Variants in MARCHF6 observed in about 807,000 individuals in gnomAD.
The protein encoded by MARCHF6 is E3 ubiquitin-protein ligase MARCHF6.
Under a neutral mutation model 133.7 loss-of-function variants are expected in MARCHF6, and 31 were observed. The ratio of observed to expected loss-of-function variants is 0.23; its 90% CI spans 0.17 to 0.31. MARCHF6 has a LOEUF of 0.31. Ranked by LOEUF, MARCHF6 falls within the 10% of genes least tolerant of loss-of-function variation. MARCHF6 has a pLI of 1.00. For missense variants in MARCHF6, 723 were observed against 1,121.6 expected, an observed-to-expected ratio of 0.64 and a Z score of 5.08; for synonymous variants, 395 against 402.5, an observed-to-expected ratio of 0.98 and a Z score of 0.22.
chr5:10,430,176 C>T (rs1740294975), intron 25 of MARCHF6, 148 bp downstream of exon 25: 1 of 886,810 alleles, frequency 1.1e-6, no homozygotes. Flanking sequence ...CAGATTGTGA[C>T]ATGTGAAGGA....
At chr5:10,377,770 A>C (rs1736881489) in intron 1 of MARCHF6, 28 bp from the exon 2 acceptor site, 1 of 1,508,606 alleles carries the variant, frequency 6.6e-7, no homozygotes, top group Admixed American at 1.7e-5. Context: ...TAACCAAAGG[A>C]AATTCAATTT....
Position 10,359,169 on chromosome 5 carries a change from T to A in MARCHF6, c.19+5252T>A, listed in dbSNP as rs138128173. Among the ~76,000 whole-genome samples, 554 of 152,308 alleles carry A rather than the reference T, an allele frequency of 3.6e-3. 1 individual carries two copies. The highest frequency in any genetic ancestry group is 6.1e-3 in the Non-Finnish European group (412 of 68,028). The stretch of plus-strand genomic sequence containing the variant: ...TTTGAATAACATGATGGGATCCATA[T>A]GAGGTGCCACTAAGTGATGCTGGAA... On this transcript the variant is annotated intron_variant, in intron 1 of 25. Transcript: ENST00000274140.
At position 10,415,543 on chromosome 5, in the gene MARCHF6, G is replaced by A. The variant is rs199781306; in HGVS notation, c.2022G>A (p.Glu674=). The A allele has an allele frequency of 1.7e-5, 27 of 1,614,154 alleles. 1 individual carries two copies. Among genetic ancestry groups the A allele is most frequent in the Middle Eastern group, 3.3e-4 (2 of 6,062 alleles). ...SFWTGTAKIH[E]LYTAACGLYV... ...GGACGGGGACTGCCAAAATCCATGA[G>A]CTCTACACAGCTGCTTGTGGTCTCT... The change falls in exon 21 of 26, where the codon GAG becomes GAA. Residue 674 remains glutamate (E), a synonymous_variant. Coordinates refer to ENST00000274140, the MANE Select transcript of MARCHF6 (RefSeq NM_005885.4).
intron 15 of MARCHF6, among the ~76,000 whole-genome samples, chr5:10,404,918 G>A (rs1039098917): frequency 3.9e-5 from 6 of 152,220 alleles, no homozygotes; most frequent in Non-Finnish European, 8.8e-5. Context: ...ACTTCATTAA[G>A]TGAATAAAAT....
At chr5:10,395,906 T>C (rs531366535) in intron 9 of MARCHF6, among the ~76,000 whole-genome samples, 70 of 152,336 alleles carry the variant, frequency 4.6e-4, no homozygotes, top group Middle Eastern at 6.8e-3. Flanking sequence ...GAATGTGATA[T>C]TAATGAGCTT....
chr5:10,358,226 T>A (rs1041796827), intron 1 of MARCHF6, among the ~76,000 whole-genome samples: 2 of 152,140 alleles, frequency 1.3e-5, no homozygotes, highest in African/African-American at 4.8e-5. Flanking sequence ...GAGAGCAGTG[T>A]AGCTGTAACG....
chr5:10,369,318 T>C (rs564382917), intron 1 of MARCHF6, among the ~76,000 whole-genome samples: 1 of 152,312 alleles, frequency 6.6e-6, no homozygotes, highest in East Asian at 1.9e-4. Context: ...AGTTTCTACC[T>C]GGTTGGATGA....
At chr5:10,362,894 A>G (rs1288925617) in intron 1 of MARCHF6, among the ~76,000 whole-genome samples, 2 of 152,336 alleles carry the variant, frequency 1.3e-5, no homozygotes, top group East Asian at 1.9e-4. Flanking sequence ...ACATACATGG[A>G]CAGTTGATTT....
rs1481798646 is a variant in MARCHF6 at position 10,437,197 on chromosome 5, TATTTTC to T, written c.*3521_*3526del. The T allele has an allele frequency of 1.3e-5, 2 of 152,264 alleles. No individual in the cohort carries two copies. The highest frequency in any genetic ancestry group is 1.3e-4 in the Admixed American group (2 of 15,290). The allele number at this position is 152,264 out of a possible 1,614,324, so 9.4% of individuals were successfully genotyped here. A position where few individuals can be genotyped will look rare whatever the true frequency, so the allele number is the denominator to read the frequency against. ...TTTAAAACTTTCCAAGCTAGCTACT[TATTTTC>T]ATTTTCAGGGTTGAGTACTCTAAGC... On this transcript the variant is annotated 3_prime_UTR_variant, in exon 26 of 26. Transcript: ENST00000274140.
intron 2 of MARCHF6, 111 bp downstream of exon 2, chr5:10,378,005 A>T: frequency 1.5e-6 from 1 of 662,738 alleles, no homozygotes; most frequent in Non-Finnish European, 2.6e-6. Flanking sequence ...TAAAAGTTTT[A>T]TTGTATTTTC....
At chr5:10,402,953 C>G (rs931153844) in intron 14 of MARCHF6, among the ~76,000 whole-genome samples, 2 of 152,108 alleles carry the variant, frequency 1.3e-5, no homozygotes, top group Non-Finnish European at 2.9e-5. Context: ...AAATTTAACC[C>G]TAATCATTTG....
chr5:10,377,324 TG>T (rs2126690586), intron 1 of MARCHF6, among the ~76,000 whole-genome samples: 2 of 152,212 alleles, frequency 1.3e-5, no homozygotes, highest in Non-Finnish European at 2.9e-5. Flanking sequence ...TGCACTCTTG[TG>T]GGGTGGGGTG....
In MARCHF6 at chr5:10,436,200, T is replaced by C. The variant is rs762994810; in HGVS notation, c.*2516T>C. The C allele has an allele frequency of 6.6e-6, 1 of 152,200 alleles. No individual in the cohort carries two copies. 9.4% of individuals were successfully genotyped at this position (152,200 alleles called of 1,614,324 possible). On this transcript the variant is annotated 3_prime_UTR_variant, in exon 26 of 26. Transcript: ENST00000274140. ...CCTACAGAATTTTAAATGAATCTTA[T>C]CAATGTTTTGTAAACAAACAATATG...
chr5:10,359,180 T>G (rs78060549), intron 1 of MARCHF6, among the ~76,000 whole-genome samples: 2 of 152,300 alleles, frequency 1.3e-5, no homozygotes, highest in Non-Finnish European at 2.9e-5. Flanking sequence ...GAGGTGCCAC[T>G]AAGTGATGCT....
intron 1 of MARCHF6, among the ~76,000 whole-genome samples, chr5:10,360,804 T>G (rs532658952): frequency 1.3e-5 from 2 of 152,340 alleles, no homozygotes; most frequent in East Asian, 3.9e-4. Context: ...CTTGAGCTGG[T>G]AAGACAGTGC....
intron 1 of MARCHF6, among the ~76,000 whole-genome samples, chr5:10,374,592 C>T (rs942610090): frequency 2.6e-5 from 4 of 152,194 alleles, no homozygotes; most frequent in Middle Eastern, 6.8e-3. Flanking sequence ...AGTATTGCAC[C>T]GCTAGGACTC....
At chr5:10,374,155 C>T (rs1425087042) in intron 1 of MARCHF6, among the ~76,000 whole-genome samples, 1 of 152,140 alleles carries the variant, frequency 6.6e-6, no homozygotes, top group East Asian at 1.9e-4. Flanking sequence ...ATTACCCACT[C>T]CCAACCCTGG....
intron 15 of MARCHF6, among the ~76,000 whole-genome samples, chr5:10,404,896 G>GA (rs1738787395): frequency 6.6e-6 from 1 of 152,160 alleles, no homozygotes; most frequent in Non-Finnish European, 1.5e-5. Context: ...AATTATATGT[G>GA]AACTCCAGAT....
intron 19 of MARCHF6, among the ~76,000 whole-genome samples, chr5:10,412,564 G>A (rs1739291270): frequency 2.0e-5 from 3 of 152,112 alleles, no homozygotes; most frequent in Admixed American, 2.0e-4. Flanking sequence ...TAGAATTGCA[G>A]ATAAGAGAGT....
Sources: allele counts gnomAD v4.1 joint callset (sites outside exome capture counted in the v4.1 genomes callset), GRCh38; gene constraint gnomAD v4.1.1; transcripts MANE v1.5; gene names NCBI Gene and HGNC (gene_info 2026-07-23, HGNC 2026-07-21).